Variants in TSHZ1 observed in about 807,000 individuals in gnomAD.
TSHZ1 encodes the protein teashirt homolog 1.
A neutral mutation model predicts 67.1 loss-of-function variants in TSHZ1; 12 were observed. That is an observed-to-expected ratio of 0.18 (90% CI 0.11 to 0.29). The LOEUF (loss-of-function observed/expected upper bound fraction) is 0.29. TSHZ1 is among the 10% of genes least tolerant of loss of function. TSHZ1 has a pLI of 1.00. For synonymous variants in TSHZ1, 632 were observed against 622.4 expected, an observed-to-expected ratio of 1.02 and a Z score of -0.23; for missense variants, 1,305 against 1,413.9, an observed-to-expected ratio of 0.92 and a Z score of 1.23.
chr18:75,266,250 G>A (rs1318160729), intron 1 of TSHZ1, among the ~76,000 whole-genome samples: 1 of 152,200 alleles, frequency 6.6e-6, no homozygotes, highest in African/African-American at 2.4e-5. Flanking sequence ...ATCTGTTCTA[G>A]AGTTCTCTTT....
chr18:75,222,885 T>C (rs551321663), intron 1 of TSHZ1, among the ~76,000 whole-genome samples: 3 of 152,330 alleles, frequency 2.0e-5, no homozygotes, highest in Non-Finnish European at 4.4e-5. Context: ...ATTAGACTAC[T>C]GAGAGTCTGG....
At chr18:75,216,190 A>G (rs2022765467) in intron 1 of TSHZ1, among the ~76,000 whole-genome samples, 1 of 152,198 alleles carries the variant, frequency 6.6e-6, no homozygotes, top group South Asian at 2.1e-4. Flanking sequence ...AATTGTAGGC[A>G]TGTCTTATTT....
At chr18:75,254,869 T>G (rs912674127) in intron 1 of TSHZ1, among the ~76,000 whole-genome samples, 3 of 152,164 alleles carry the variant, frequency 2.0e-5, no homozygotes, top group Non-Finnish European at 4.4e-5. Flanking sequence ...TTATGTAGAT[T>G]TTTCCAGTGC....
At position 75,249,757 on chromosome 18, in the gene TSHZ1, T is replaced by TG. The variant is rs568287921; in HGVS notation, c.41-35685dup. Reference sequence around the variant, plus strand: ...CTCCTCACCTCACCCCTGCAGTAGGTGGGGGGAGGTTACTTCCTCCTCCCT... The same window carrying TG: ...CTCCTCACCTCACCCCTGCAGTAGGTGGGGGGGAGGTTACTTCCTCCTCCCT... On this transcript the variant is annotated intron_variant, in intron 1 of 1. Transcript: ENST00000580243. Among the ~76,000 whole-genome samples, 138 of 147,412 alleles carry TG rather than the reference T, an allele frequency of 9.4e-4. 1 individual carries two copies. The highest frequency in any genetic ancestry group is 3.8e-3 in the Middle Eastern group (1 of 260).
chr18:75,238,520 C>T (rs887048276), intron 1 of TSHZ1, among the ~76,000 whole-genome samples: 5 of 151,824 alleles, frequency 3.3e-5, no homozygotes, highest in Admixed American at 3.3e-4. Flanking sequence ...TGGAGTGAGA[C>T]TAACTGAGAA....
At chr18:75,267,255 GA>G (rs1234971038) in intron 1 of TSHZ1, among the ~76,000 whole-genome samples, 1 of 152,222 alleles carries the variant, frequency 6.6e-6, no homozygotes, top group Non-Finnish European at 1.5e-5. Context: ...CCGAGTTGAA[GA>G]AATGATGCCA....
At position 75,234,936 on chromosome 18, in the gene TSHZ1, G is replaced by A. The variant is rs111711128; in HGVS notation, c.40+23020G>A. Among the ~76,000 whole-genome samples, 890 of 152,254 alleles carry A rather than the reference G, an allele frequency of 5.8e-3. 16 individuals are homozygous for A. The highest frequency in any genetic ancestry group is 0.02 in the African/African-American group (820 of 41,540). The stretch of plus-strand genomic sequence containing the variant: ...ATTTCATTTTCTCAGTAGACCCAGC[G>A]CATCGAAAGATTTTGTGTATTGAAA... On this transcript the variant is annotated intron_variant, in intron 1 of 1. Transcript: ENST00000580243.
At chr18:75,261,781 A>G (rs538588908) in intron 1 of TSHZ1, among the ~76,000 whole-genome samples, 2 of 152,376 alleles carry the variant, frequency 1.3e-5, no homozygotes, top group Admixed American at 6.5e-5. Flanking sequence ...GCTATTGGGT[A>G]TTTGAAATCA....
At chr18:75,284,419 A>G (rs745437169) in intron 1 of TSHZ1, 1 of 152,410 alleles carries the variant, frequency 6.6e-6, no homozygotes, top group Non-Finnish European at 1.5e-5. Context: ...AAATATTTAT[A>G]ATGTATAAGT....
intron 1 of TSHZ1, among the ~76,000 whole-genome samples, chr18:75,254,070 C>T (rs1392687181): frequency 1.3e-5 from 2 of 152,182 alleles, no homozygotes; most frequent in African/African-American, 2.4e-5. Flanking sequence ...TTTTCATGGT[C>T]GTCTTTAAGC....
chr18:75,287,059 T>G lies in TSHZ1; in HGVS notation c.1652T>G (p.Ile551Ser). Residue 551 changes from isoleucine (I) to serine (S), a missense_variant, in exon 2 of 2, where the codon ATT becomes AGT. Physicochemically the swap from Ile to Ser is moderately radical, Grantham distance 142 (BLOSUM62 -2). This residue lies in a region of TSHZ1 where 909 missense variants were observed against 961.8 expected (regional missense o/e 0.95). Coordinates refer to ENST00000580243, the MANE Select transcript of TSHZ1 (RefSeq NM_001308210.2). This position sits in a 1 kb window ranked among gnomAD's most constrained non-coding sequence, Gnocchi z 5.0. ...GACAGCCCCAAGGGAGGGCTGGACA[T>G]TCTCAAGTCCCTGGAGAATACCGTC... Reference protein sequence around the residue: ...LDDSPKGGLDILKSLENTVST... With the variant: ...LDDSPKGGLDSLKSLENTVST... The G allele has an allele frequency of 6.2e-7, 1 of 1,614,048 alleles. No individual in the cohort carries two copies. Among genetic ancestry groups the G allele is most frequent in the Non-Finnish European group, 8.5e-7 (1 of 1,180,008 alleles).
rs1805798413 is a variant in TSHZ1, at chr18:75,211,750, CG to C, written c.-125del. 2.1e-6 allele frequency: 1 copy of C among 483,956 alleles called. No individual in the cohort carries two copies. Among genetic ancestry groups the C allele is most frequent in the Admixed American group, 6.5e-5 (1 of 15,336 alleles). The allele number at this position is 483,956 out of a possible 1,614,324, so 30.0% of individuals were successfully genotyped here. On this transcript the variant is annotated 5_prime_UTR_variant, in exon 1 of 2. It removes the in-frame stop codon of an upstream open reading frame in the 5' UTR. Transcript: ENST00000580243. ...CGCGGTCCGCGGCGCGCCCGGAGCC[CG>C]GAGCCCGCGGGGACGAGGCCAAAGT...
intron 1 of TSHZ1, among the ~76,000 whole-genome samples, chr18:75,247,390 A>T (rs2023237383): frequency 6.6e-6 from 1 of 152,172 alleles, no homozygotes; most frequent in Non-Finnish European, 1.5e-5. Flanking sequence ...TAAATATGCC[A>T]TTTCACCATG....
chr18:75,286,064 G>C lies in TSHZ1; in HGVS notation c.657G>C (p.Glu219Asp). 6.2e-7 allele frequency: 1 copy of C among 1,613,496 alleles called. No homozygotes were observed. Among genetic ancestry groups the C allele is most frequent in the Non-Finnish European group, 8.5e-7 (1 of 1,179,776 alleles). ...QQTSSYGLLP[E>D]PSLFSTVQLY... ...CGTCCTCGTATGGGCTGCTTCCTGA[G>C]CCCAGCCTGTTCAGCACCGTGCAGC... The change falls in exon 2 of 2, where the codon GAG becomes GAC. Residue 219 changes from glutamate to aspartate, a missense_variant. This residue lies in a region of TSHZ1 where 358 missense variants were observed against 375.6 expected (regional missense o/e 0.95). Transcript: ENST00000580243. This position sits in a 1 kb window ranked among gnomAD's most constrained non-coding sequence, Gnocchi z 5.1.
chr18:75,225,788 C>A (rs1366887651), intron 1 of TSHZ1, among the ~76,000 whole-genome samples: 1 of 152,018 alleles, frequency 6.6e-6, no homozygotes, highest in African/African-American at 2.4e-5. Context: ...AATAGCGATA[C>A]CTCAAAGCCA....
At chr18:75,276,292 G>GTTT (rs11390098) in intron 1 of TSHZ1, among the ~76,000 whole-genome samples, 2 of 148,994 alleles carry the variant, frequency 1.3e-5, no homozygotes, top group African/African-American at 2.5e-5. Context: ...TGTTTCTATT[G>GTTT]TTTTTTTTTT....
Position 75,285,908 on chromosome 18 carries a change from C to A in TSHZ1, c.501C>A (p.Thr167=), listed in dbSNP as rs2023751695. ...TPTPPTCPVS[T]TGPTTSTPST... ...CACCCCCCACCTGCCCCGTCAGCAC[C>A]ACTGGCCCCACCACGAGCACGCCCA... is the stretch of plus-strand genomic sequence containing the variant. The change falls in exon 2 of 2, where the codon ACC becomes ACA. Residue 167 remains threonine (T), a synonymous_variant. Coordinates refer to ENST00000580243, the MANE Select transcript of TSHZ1 (RefSeq NM_001308210.2). The A allele has an allele frequency of 6.6e-7, 1 of 1,525,304 alleles. No homozygotes were observed. Among genetic ancestry groups the A allele is most frequent in the Non-Finnish European group, 8.8e-7 (1 of 1,129,960 alleles). The allele number at this position is 1,525,304 out of a possible 1,614,324, so 94.5% of individuals were successfully genotyped here. A position where few individuals can be genotyped will look rare whatever the true frequency, so the allele number is the denominator to read the frequency against.
At chr18:75,250,684 G>T (rs1370325209) in intron 1 of TSHZ1, among the ~76,000 whole-genome samples, 1 of 152,228 alleles carries the variant, frequency 6.6e-6, no homozygotes, top group Non-Finnish European at 1.5e-5. Flanking sequence ...TCTCCCCTCT[G>T]AGAGCATGAG....
chr18:75,245,905 G>A (rs1283408236), intron 1 of TSHZ1, among the ~76,000 whole-genome samples: 3 of 152,184 alleles, frequency 2.0e-5, no homozygotes, highest in Non-Finnish European at 4.4e-5. Flanking sequence ...CTTGTACTAA[G>A]TGTTGTTCTG....
Sources: allele counts gnomAD v4.1 joint callset (sites outside exome capture counted in the v4.1 genomes callset), GRCh38; gene constraint gnomAD v4.1.1; regional missense constraint gnomAD v4.1.1; non-coding constraint Gnocchi (gnomAD v3.1); transcripts MANE v1.5; gene names NCBI Gene and HGNC (gene_info 2026-07-23, HGNC 2026-07-21).